RDX: variants seen among roughly 807,000 people sequenced by gnomAD.
The protein encoded by RDX is radixin, also known as deafness, autosomal recessive 24.
A neutral mutation model predicts 83.7 loss-of-function variants in RDX; 32 were observed. The ratio of observed to expected loss-of-function variants is 0.38; its 90% CI spans 0.29 to 0.51. The LOEUF is 0.51. RDX is among the 20% of genes least tolerant of loss of function. The pLI is 0.87. For missense variants in RDX, 600 were observed against 689.9 expected (o/e 0.87, Z 1.46); for synonymous variants, 229 against 222.7 (o/e 1.03, Z -0.25).
chr11:110,231,016 T>C lies in RDX; in HGVS notation c.*853A>G, dbSNP rs923028819. ...ATATTTTCTTTTTTTAACTAATCAT[T>C]TGTTTTTCTAAATCAGTCTATAAAA... On this transcript the variant is annotated 3_prime_UTR_variant, in exon 14 of 14. Coordinates refer to ENST00000645495, the MANE Select transcript of RDX (RefSeq NM_002906.4). 2.2e-4 allele frequency: 34 copies of C among 152,618 alleles called. No individual in the cohort carries two copies. Among genetic ancestry groups the C allele is most frequent in the African/African-American group, 8.0e-4 (33 of 41,460 alleles). 9.5% of individuals were successfully genotyped at this position (152,618 alleles called of 1,614,324 possible).
chr11:110,242,549 C>T (rs1475629497), intron 10 of RDX, among the ~76,000 whole-genome samples: 1 of 151,276 alleles, frequency 6.6e-6, no homozygotes, highest in Non-Finnish European at 1.5e-5. Context: ...AGAAATAAGT[C>T]TGGGTTACAA....
rs148311307 is a variant in RDX, at chr11:110,242,025, G to C, written c.1091-4373C>G. Among the ~76,000 whole-genome samples, 1,429 of 152,256 alleles carry C rather than the reference G, an allele frequency of 9.4e-3. 31 individuals carry two copies. Among genetic ancestry groups the C allele is most frequent in the African/African-American group, 0.033 (1,359 of 41,538 alleles). On this transcript the variant is annotated intron_variant, in intron 10 of 13. Transcript: ENST00000645495. ...GATGGTTGCCAGGGGTTGTGGGGAG[G>C]GGGGAAATGGGGATTGTTTAATGGG... is the stretch of plus-strand genomic sequence containing the variant.
rs902542179 is a variant in RDX at position 110,268,609 on chromosome 11, AAG to A, written c.97-3737_97-3736del. Among the ~76,000 whole-genome samples, 153 of 152,284 alleles carry A rather than the reference AAG, an allele frequency of 1.0e-3. 2 individuals are homozygous for A. The highest frequency in any genetic ancestry group is 2.6e-4 in the Non-Finnish European group (18 of 68,022). ...CACACTCTGTGAGATTCACAATGGT[AAG>A]TAAAAGGGAGATGCCCCACAGTGGG... On this transcript the variant is annotated intron_variant, in intron 3 of 13. Transcript: ENST00000645495.
chr11:110,236,337 A>C, intron 11 of RDX, 146 bp from the exon 12 acceptor site: 1 of 641,462 alleles, frequency 1.6e-6, no homozygotes. Context: ...TAAGATCTTA[A>C]ATAGCTTATT....
intron 14 of RDX, among the ~76,000 whole-genome samples, chr11:110,214,359 G>C (rs1188360934): frequency 1.9e-5 from 2 of 106,930 alleles, no homozygotes; most frequent in Non-Finnish European, 3.7e-5. Context: ...TGGAGAGGAT[G>C]TGGAGAAATA....
chr11:110,191,199 T>C (rs1408569698), intron 15 of RDX, among the ~76,000 whole-genome samples: 1 of 151,980 alleles, frequency 6.6e-6, no homozygotes, highest in African/African-American at 2.4e-5. Context: ...AAACAAAATA[T>C]CAGCAAATCA....
intron 1 of RDX, among the ~76,000 whole-genome samples, chr11:110,288,939 CA>C (rs899265169): frequency 1.3e-5 from 2 of 151,836 alleles, no homozygotes; most frequent in African/African-American, 2.4e-5. Context: ...ACATGGGGAA[CA>C]AAAAAAGCTC....
rs1864548149 is a variant in RDX at position 110,229,639 on chromosome 11, T to C, written c.*2230A>G. The C allele has an allele frequency of 6.6e-6, 1 of 152,492 alleles. No homozygotes were observed. Among genetic ancestry groups the C allele is most frequent in the Non-Finnish European group, 1.5e-5 (1 of 67,926 alleles). 9.4% of individuals were successfully genotyped at this position (152,492 alleles called of 1,614,324 possible). A position where few individuals can be genotyped will look rare whatever the true frequency, so the allele number is the denominator to read the frequency against. Reference sequence around the variant, plus strand: ...GCGACTGCTAATAAGTTATAATTGGTTTAATCTCTAAGAAATCCATATTGC... The same window carrying C: ...GCGACTGCTAATAAGTTATAATTGGCTTAATCTCTAAGAAATCCATATTGC... On this transcript the variant is annotated 3_prime_UTR_variant, in exon 14 of 14. Coordinates refer to ENST00000645495, the MANE Select transcript of RDX (RefSeq NM_002906.4).
At position 110,296,614 on chromosome 11, in the gene RDX, T is replaced by C. The variant is rs1368881595; in HGVS notation, c.-212A>G. 2 of 150,498 alleles carry C rather than the reference T, an allele frequency of 1.3e-5. No homozygotes were observed. The highest frequency in any genetic ancestry group is 4.9e-5 in the African/African-American group (2 of 41,206). The allele number at this position is 150,498 out of a possible 1,614,324, so 9.3% of individuals were successfully genotyped here. A position where few individuals can be genotyped will look rare whatever the true frequency, so the allele number is the denominator to read the frequency against. ...CGCCACCGCAGACAGCTCCGCAATATGGCCGCTCGGCGCCTCCGCGGGAAA... is the reference window on the plus strand; with the variant it reads ...CGCCACCGCAGACAGCTCCGCAATACGGCCGCTCGGCGCCTCCGCGGGAAA... On this transcript the variant is annotated 5_prime_UTR_variant, in exon 1 of 14. Coordinates refer to ENST00000645495, the MANE Select transcript of RDX (RefSeq NM_002906.4).
chr11:110,190,031 C>T (rs139710695), intron 15 of RDX, among the ~76,000 whole-genome samples: 2,539 of 151,976 alleles, frequency 0.017, 88 homozygotes, highest in African/African-American at 0.056. Flanking sequence ...TGTGGTGAGC[C>T]GAGATCGTGC....
intron 1 of RDX, among the ~76,000 whole-genome samples, chr11:110,285,468 C>CT (rs1329497511): frequency 6.6e-6 from 1 of 151,948 alleles, no homozygotes; most frequent in Non-Finnish European, 1.5e-5. Context: ...AATCCCAGCA[C>CT]TTTGGGAGGC....
chr11:110,206,961 G>A (rs1014956002), intron 14 of RDX, among the ~76,000 whole-genome samples: 14 of 138,858 alleles, frequency 1.0e-4, no homozygotes, highest in South Asian at 2.4e-4. Context: ...TTTAAAACAC[G>A]CAATTATTTT....
chr11:110,275,664 C>T (rs962900303), intron 2 of RDX, among the ~76,000 whole-genome samples: 1 of 152,042 alleles, frequency 6.6e-6, no homozygotes, highest in Admixed American at 6.6e-5. Context: ...AAAGAACCTC[C>T]CATATTGTGG....
intron 2 of RDX, among the ~76,000 whole-genome samples, chr11:110,277,991 A>G (rs1261702965): frequency 6.6e-6 from 1 of 152,200 alleles, no homozygotes; most frequent in Non-Finnish European, 1.5e-5. Flanking sequence ...ACAACAGTCA[A>G]TGTTCATGTT....
chr11:110,184,481 C>CT (rs1862947693), intron 15 of RDX, among the ~76,000 whole-genome samples: 1 of 152,222 alleles, frequency 6.6e-6, no homozygotes, highest in African/African-American at 2.4e-5. Context: ...GCACGGGCCT[C>CT]TAAGGTGTAA....
At chr11:110,261,365 T>G (rs1301116329) in intron 5 of RDX, among the ~76,000 whole-genome samples, 1 of 152,238 alleles carries the variant, frequency 6.6e-6, no homozygotes, top group East Asian at 1.9e-4. Flanking sequence ...CAATACTATC[T>G]GGTGGAGCTA....
At chr11:110,190,037 C>T (rs553945212) in intron 15 of RDX, among the ~76,000 whole-genome samples, 2 of 152,098 alleles carry the variant, frequency 1.3e-5, no homozygotes, top group East Asian at 1.9e-4. Context: ...GAGCCGAGAT[C>T]GTGCCATTGC....
intron 15 of RDX, among the ~76,000 whole-genome samples, chr11:110,182,097 A>T (rs1591496335): frequency 6.6e-6 from 1 of 152,190 alleles, no homozygotes; most frequent in East Asian, 1.9e-4. Context: ...CAGCTTTCTG[A>T]GTGGAAAAAG....
chr11:110,281,280 C>T (rs1860749987), intron 1 of RDX, among the ~76,000 whole-genome samples: 1 of 151,438 alleles, frequency 6.6e-6, no homozygotes, highest in African/African-American at 2.4e-5. Flanking sequence ...TCACAAGTAA[C>T]TGATTACCAA....
Sources: gnomAD v4.1 joint callset for allele counts (sites outside exome capture counted in the v4.1 genomes callset) on GRCh38, gnomAD v4.1.1 for gene constraint, MANE v1.5 for transcripts, NCBI Gene and HGNC (gene_info 2026-07-23, HGNC 2026-07-21) for gene names.